The following MYO16 variants were observed in gnomAD, a reference collection of about 807,000 sequenced individuals.
MYO16 encodes the protein myosin XVI, also known as unconventional myosin-XVI.
Under a neutral mutation model 205.3 loss-of-function variants are expected in MYO16, and 94 were observed. The ratio of observed to expected loss-of-function variants is 0.46; its 90% CI spans 0.39 to 0.54. MYO16 has a LOEUF of 0.54. Ranked by LOEUF, MYO16 falls within the 20% of genes least tolerant of loss-of-function variation. The pLI is 0.00. For synonymous variants in MYO16, 988 were observed against 954.0 expected (o/e 1.04, Z -0.66); for missense variants, 2,315 against 2,387.5 (o/e 0.97, Z 0.63).
intron 1 of MYO16, among the ~76,000 whole-genome samples, chr13:108,655,936 G>T (rs557464250): frequency 6.6e-6 from 1 of 152,260 alleles, no homozygotes; most frequent in South Asian, 2.1e-4. Context: ...TAACTAGCTT[G>T]CTTTCGATTT....
chr13:108,959,338 G>T (rs559144761), intron 17 of MYO16, among the ~76,000 whole-genome samples: 6 of 152,106 alleles, frequency 3.9e-5, no homozygotes, highest in Non-Finnish European at 7.3e-5. Flanking sequence ...TGCCTGAAAT[G>T]TCTGCTTCCT....
At chr13:108,796,279 T>G (rs905226979) in intron 6 of MYO16, among the ~76,000 whole-genome samples, 1 of 152,150 alleles carries the variant, frequency 6.6e-6, no homozygotes, top group Non-Finnish European at 1.5e-5. Context: ...AGGTGCTGGA[T>G]AAGATGTGGA....
intron 4 of MYO16, among the ~76,000 whole-genome samples, chr13:108,776,836 T>G (rs1196753501): frequency 1.3e-5 from 2 of 152,144 alleles, no homozygotes; most frequent in African/African-American, 2.4e-5. Flanking sequence ...GCAAGCAGTT[T>G]CTCCAAGGTC....
At chr13:109,058,005 G>A (rs1888794476) in intron 27 of MYO16, among the ~76,000 whole-genome samples, 1 of 152,106 alleles carries the variant, frequency 6.6e-6, no homozygotes, top group African/African-American at 2.4e-5. Flanking sequence ...TCTCTGACAT[G>A]AGTGCACATC....
At chr13:108,762,160 G>A (rs1010776378) in intron 4 of MYO16, among the ~76,000 whole-genome samples, 3 of 152,044 alleles carry the variant, frequency 2.0e-5, no homozygotes, top group Non-Finnish European at 2.9e-5. Context: ...CCGTGTTGCC[G>A]CAAAAGACAC....
At chr13:109,052,543 TAAA>T (rs371338013) in intron 25 of MYO16, 68 bp downstream of exon 25, 4 of 1,197,732 alleles carry the variant, frequency 3.3e-6, no homozygotes, top group Middle Eastern at 4.5e-4. Flanking sequence ...TCTTTTTTTT[TAAA>T]AAAAAGCACA....
intron 10 of MYO16, among the ~76,000 whole-genome samples, chr13:108,848,086 T>C (rs1877618309): frequency 6.6e-6 from 1 of 152,146 alleles, no homozygotes; most frequent in South Asian, 2.1e-4. Flanking sequence ...CTGAGCCTCA[T>C]GTGCAAAATG....
At position 109,012,779 on chromosome 13, in the gene MYO16, G is replaced by GTGTATA. The variant is rs143999280; in HGVS notation, c.2595+3731_2595+3732insGTATAT. ...TCAAATTGTTGTTATATGTGTGTGT[G>GTGTATA]TATATATATATATATATATGTATAT... On this transcript the variant is annotated intron_variant, in intron 22 of 34. Coordinates refer to ENST00000457511, the MANE Select transcript of MYO16 (RefSeq NM_001198950.3). 2.2e-3 allele frequency among the ~76,000 whole-genome samples: 329 copies of GTGTATA among 146,652 alleles called. 3 individuals are homozygous for GTGTATA. The highest frequency in any genetic ancestry group is 0.013 in the East Asian group (66 of 4,926).
At chr13:108,546,386 C>A in the MYO16 span, among the ~76,000 whole-genome samples, 1 of 152,060 alleles carries the variant, frequency 6.6e-6, no homozygotes, top group Non-Finnish European at 1.5e-5. Context: ...GAAACAAGAT[C>A]AAGAGGACCC....
intron 32 of MYO16, among the ~76,000 whole-genome samples, chr13:109,153,020 C>T (rs936777376): frequency 3.3e-5 from 5 of 152,122 alleles, no homozygotes; most frequent in Admixed American, 6.5e-5. Flanking sequence ...AAAACTCCGA[C>T]GCATCCAGGG....
intron 12 of MYO16, among the ~76,000 whole-genome samples, chr13:108,867,701 C>A (rs1031087048): frequency 6.6e-6 from 1 of 152,126 alleles, no homozygotes; most frequent in Non-Finnish European, 1.5e-5. Context: ...GCATAGCATA[C>A]AAATATTAAA....
chr13:108,510,459 C>CTTTTT, the MYO16 span, among the ~76,000 whole-genome samples: 1 of 25,396 alleles, frequency 3.9e-5, no homozygotes, highest in African/African-American at 1.5e-4. Flanking sequence ...ACATTGATAG[C>CTTTTT]TGTTTTTTTT....
the MYO16 span, among the ~76,000 whole-genome samples, chr13:108,496,189 G>T: frequency 6.6e-6 from 1 of 151,608 alleles, no homozygotes; most frequent in African/African-American, 2.4e-5. Flanking sequence ...CTTCCCAACC[G>T]CTAGGACGCG....
intron 31 of MYO16, among the ~76,000 whole-genome samples, chr13:109,128,774 T>G (rs867876026): frequency 6.8e-6 from 1 of 147,428 alleles, no homozygotes; most frequent in African/African-American, 2.6e-5. Flanking sequence ...TTTAGTTTTT[T>G]TTTTTTTTTT....
In MYO16 at chr13:109,206,854, A is replaced by G; in HGVS notation, c.*18A>G. 6.2e-7 allele frequency: 1 copy of G among 1,606,686 alleles called. No homozygotes were observed. Among genetic ancestry groups the G allele is most frequent in the East Asian group, 2.2e-5 (1 of 44,636 alleles). ...CCATTTGATGTGGCCTGAACTGCAG[A>G]CTTACAAAATAGAACTGCCTACTGA... is the stretch of plus-strand genomic sequence containing the variant. On this transcript the variant is annotated 3_prime_UTR_variant, in exon 35 of 35. Coordinates refer to ENST00000457511, the MANE Select transcript of MYO16 (RefSeq NM_001198950.3).
the MYO16 span, among the ~76,000 whole-genome samples, chr13:108,510,178 G>A: frequency 2.4e-4 from 36 of 152,156 alleles, no homozygotes; most frequent in African/African-American, 7.9e-4. Context: ...GTGCAATGGC[G>A]CTATCTCGGC....
chr13:108,776,742 T>C (rs754613596), intron 4 of MYO16, among the ~76,000 whole-genome samples: 11 of 152,196 alleles, frequency 7.2e-5, no homozygotes, highest in Non-Finnish European at 1.5e-4. Flanking sequence ...GCACCAGTAA[T>C]ATATTATCAA....
At chr13:109,174,757 T>C in intron 33 of MYO16, among the ~76,000 whole-genome samples, 1 of 147,366 alleles carries the variant, frequency 6.8e-6, no homozygotes, top group African/African-American at 2.5e-5. Flanking sequence ...TCTTTTTTTT[T>C]TTTTTTTTTT....
intron 2 of MYO16, among the ~76,000 whole-genome samples, chr13:108,668,762 C>A (rs1335306410): frequency 6.6e-6 from 1 of 152,176 alleles, no homozygotes; most frequent in Non-Finnish European, 1.5e-5. Flanking sequence ...CTGGGCTCTC[C>A]TGGGCTATGC....
Sources: gnomAD v4.1 joint callset for allele counts (sites outside exome capture counted in the v4.1 genomes callset) on GRCh38, gnomAD v4.1.1 for gene constraint, MANE v1.5 for transcripts, NCBI Gene and HGNC (gene_info 2026-07-23, HGNC 2026-07-21) for gene names.